PIP5K1B: variants seen among roughly 807,000 people sequenced by gnomAD.
PIP5K1B encodes the protein phosphatidylinositol-4-phosphate 5-kinase type 1 beta.
PIP5K1B carries 42 observed loss-of-function variants against 67.0 expected under a neutral mutation model. The observed-to-expected ratio is 0.63, with a 90% CI of 0.49 to 0.81. The LOEUF is 0.81. PIP5K1B is among the 30% of genes least tolerant of loss of function. PIP5K1B has a pLI of 0.00. For synonymous variants in PIP5K1B, 214 were observed against 231.4 expected, an observed-to-expected ratio of 0.92 and a Z score of 0.68; for missense variants, 459 against 646.3, an observed-to-expected ratio of 0.71 and a Z score of 3.14.
chr9:68,963,959 T>C (rs754228256), intron 14 of PIP5K1B: 4 of 152,084 alleles, frequency 2.6e-5, no homozygotes, highest in Non-Finnish European at 4.4e-5. Flanking sequence ...TAAATATATA[T>C]CTCCTATTTC....
chr9:68,886,349 C>G (rs1423592247), intron 6 of PIP5K1B, among the ~76,000 whole-genome samples: 1 of 152,098 alleles, frequency 6.6e-6, no homozygotes, highest in Non-Finnish European at 1.5e-5. Context: ...TTAATAAAAC[C>G]AAAAACAGAC....
chr9:68,906,202 A>T (rs975245126), intron 8 of PIP5K1B, among the ~76,000 whole-genome samples: 3 of 151,968 alleles, frequency 2.0e-5, no homozygotes, highest in Non-Finnish European at 4.4e-5. Context: ...TATTTTTTGT[A>T]GAGAAAGGAT....
chr9:68,713,984 G>T (rs952192538), intron 1 of PIP5K1B, among the ~76,000 whole-genome samples: 3 of 150,560 alleles, frequency 2.0e-5, no homozygotes, highest in Non-Finnish European at 2.9e-5. Context: ...GTAAGGGATG[G>T]CACAAAGGTT....
intron 14 of PIP5K1B, among the ~76,000 whole-genome samples, chr9:68,948,715 G>GA (rs35259230): frequency 0.73 from 106,143 of 145,270 alleles, 39,465 homozygotes; most frequent in Admixed American, 0.82. Flanking sequence ...CCCACCCCCA[G>GA]AAAAAAAAAA....
At chr9:68,894,732 C>G in intron 8 of PIP5K1B, 94 bp downstream of exon 8, 1 of 1,191,260 alleles carries the variant, frequency 8.4e-7, no homozygotes, top group South Asian at 1.4e-5. Context: ...AAGGAATGTC[C>G]AAAGTGGCAG....
chr9:68,736,890 T>C (rs1403296246), intron 1 of PIP5K1B, among the ~76,000 whole-genome samples: 1 of 152,252 alleles, frequency 6.6e-6, no homozygotes, highest in Non-Finnish European at 1.5e-5. Flanking sequence ...TGTGGACATC[T>C]TTGGGGACAT....
intron 3 of PIP5K1B, 89 bp from the exon 4 acceptor site, chr9:68,822,526 T>G (rs1469053306): frequency 1.0e-6 from 1 of 957,028 alleles, no homozygotes; most frequent in Admixed American, 2.4e-5. Context: ...CATACTTAAC[T>G]AAAATAGATC....
chr9:68,924,401 C>CGAAAAAAAAAAAAAAA (rs1341716504), intron 12 of PIP5K1B, among the ~76,000 whole-genome samples: 8 of 86,762 alleles, frequency 9.2e-5, no homozygotes, highest in Admixed American at 1.4e-4. Flanking sequence ...CACTGCGCCT[C>CGAAAAAAAAAAAAAAA]AAAAAAAAAA....
intron 12 of PIP5K1B, among the ~76,000 whole-genome samples, chr9:68,933,168 C>G (rs1827087898): frequency 6.6e-6 from 1 of 151,422 alleles, no homozygotes; most frequent in Non-Finnish European, 1.5e-5. Context: ...TATTGAAGGT[C>G]TATAAAAGTT....
rs1826275662 is a variant in PIP5K1B at position 68,919,827 on chromosome 9, A to T, written c.1116+98A>T. ...AACTGTGTTGCTAGACTCTAAGAGG[A>T]AATGAAACAACGGTCTTTATAAACT... On this transcript the variant is annotated intron_variant, in intron 11 of 15. Coordinates refer to ENST00000265382, the MANE Select transcript of PIP5K1B (RefSeq NM_003558.4). 4.5e-6 allele frequency: 3 copies of T among 667,686 alleles called. No individual in the cohort carries two copies. The South Asian group carries it at 6.1e-5, about 14-fold the overall frequency. 41.4% of individuals were successfully genotyped at this position (667,686 alleles called of 1,614,324 possible).
At chr9:68,806,131 G>A (rs994651958) in intron 2 of PIP5K1B, among the ~76,000 whole-genome samples, 2 of 152,200 alleles carry the variant, frequency 1.3e-5, no homozygotes, top group African/African-American at 4.8e-5. Flanking sequence ...TAATCTGCTG[G>A]TTTAGCCTAG....
rs777818994 is a variant in PIP5K1B, at chr9:68,847,413, TTGTGTGTGTGTG to T, written c.70-16384_70-16373del. Among the ~76,000 whole-genome samples, 620 of 101,648 alleles carry T rather than the reference TTGTGTGTGTGTG, an allele frequency of 6.1e-3. 9 individuals carry two copies. Among genetic ancestry groups the T allele is most frequent in the African/African-American group, 0.023 (588 of 25,946 alleles). 66.7% of individuals were successfully genotyped at this position (101,648 alleles called of 152,430 possible). The stretch of plus-strand genomic sequence containing the variant: ...TAAATCAGCAACAACAGCAGTGGTT[TTGTGTGTGTGTG>T]TGTGTGTGTGTGTGTGTGTGTGTGT... On this transcript the variant is annotated intron_variant, in intron 4 of 15. Transcript: ENST00000265382.
intron 7 of PIP5K1B, among the ~76,000 whole-genome samples, chr9:68,890,874 A>T (rs543124796): frequency 3.3e-5 from 5 of 152,242 alleles, no homozygotes; most frequent in Non-Finnish European, 7.3e-5. Context: ...AAAATTCCAT[A>T]GTTCTGAGCT....
rs559326522 is a variant in PIP5K1B at position 68,753,449 on chromosome 9, C to G, written c.-86+10792C>G. Among the ~76,000 whole-genome samples the G allele has an allele frequency of 1.0e-4, 15 of 150,442 alleles. No individual in the cohort carries two copies. In the South Asian group the frequency reaches 2.7e-3, roughly 28 times the overall value. On this transcript the variant is annotated intron_variant, in intron 2 of 15. Transcript: ENST00000265382. ...CCACCTCCCAGGTTTAAGCAATTCT[C>G]CTGCCGCAGCCTCCCTAGTAGCTGG...
chr9:69,002,083 C>T (rs962437597), intron 15 of PIP5K1B, among the ~76,000 whole-genome samples: 1 of 152,210 alleles, frequency 6.6e-6, no homozygotes, highest in South Asian at 2.1e-4. Flanking sequence ...GTGTGGGATG[C>T]TTTAATGAGG....
At position 68,800,607 on chromosome 9, in the gene PIP5K1B, A is replaced by G. The variant is rs114075745; in HGVS notation, c.-85-17854A>G. 2.9e-3 allele frequency among the ~76,000 whole-genome samples: 435 copies of G among 152,268 alleles called. 1 individual carries two copies. The highest frequency in any genetic ancestry group is 0.01 in the African/African-American group (424 of 41,550). ...GATTCTATAGTTAGTGCAGTGCACA[A>G]TGGGGCTCCACTGAAGGGTAGATGG... On this transcript the variant is annotated intron_variant, in intron 2 of 15. Transcript: ENST00000265382.
At chr9:68,920,205 A>T (rs1048073883) in intron 11 of PIP5K1B, among the ~76,000 whole-genome samples, 2 of 152,090 alleles carry the variant, frequency 1.3e-5, no homozygotes, top group Admixed American at 6.5e-5. Flanking sequence ...TACCAGGGGG[A>T]TAGTAATGAC....
intron 1 of PIP5K1B, among the ~76,000 whole-genome samples, chr9:68,726,877 C>T (rs1168682742): frequency 1.3e-5 from 2 of 152,050 alleles, no homozygotes; most frequent in Non-Finnish European, 2.9e-5. Context: ...AATTGCATTT[C>T]CGTGACGGCT....
intron 1 of PIP5K1B, among the ~76,000 whole-genome samples, chr9:68,720,265 A>T (rs1827824485): frequency 6.6e-6 from 1 of 152,144 alleles, no homozygotes; most frequent in Non-Finnish European, 1.5e-5. Context: ...TCCTTCCCCG[A>T]GGAGCAGCCT....
Sources: gnomAD v4.1 joint callset for allele counts (sites outside exome capture counted in the v4.1 genomes callset) on GRCh38, gnomAD v4.1.1 for gene constraint, MANE v1.5 for transcripts, NCBI Gene and HGNC (gene_info 2026-07-23, HGNC 2026-07-21) for gene names.